SBNO1: variants seen among roughly 807,000 people sequenced by gnomAD.
SBNO1 encodes the protein strawberry notch homolog 1, also known as protein strawberry notch homolog 1.
Under a neutral mutation model 173.6 loss-of-function variants are expected in SBNO1, and 23 were observed. The observed-to-expected ratio is 0.13, with a 90% CI of 0.10 to 0.19. SBNO1 has a LOEUF of 0.19. SBNO1 is among the 10% of genes least tolerant of loss of function. SBNO1 has a pLI of 1.00. For missense variants in SBNO1, 1,238 were observed against 1,671.2 expected, an observed-to-expected ratio of 0.74 and a Z score of 4.52; for synonymous variants, 632 against 571.5, an observed-to-expected ratio of 1.11 and a Z score of -1.51.
At position 123,290,353 on chromosome 12, in the gene SBNO1, C is replaced by G. The variant is rs2048493067; in HGVS notation, c.*5555G>C. 6.6e-6 allele frequency: 1 copy of G among 152,204 alleles called. No individual in the cohort carries two copies. The highest frequency in any genetic ancestry group is 1.5e-5 in the Non-Finnish European group (1 of 68,040). 9.4% of individuals were successfully genotyped at this position (152,204 alleles called of 1,614,324 possible). A position where few individuals can be genotyped will look rare whatever the true frequency, so the allele number is the denominator to read the frequency against. On this transcript the variant is annotated 3_prime_UTR_variant, in exon 32 of 32. Transcript: ENST00000602398. Reference sequence around the variant, plus strand: ...TGAATAGTAATGAATGAAACTTGTACATGAATGAAAAGGCCCCAAAGACGC... The same window carrying G: ...TGAATAGTAATGAATGAAACTTGTAGATGAATGAAAAGGCCCCAAAGACGC...
At position 123,294,871 on chromosome 12, in the gene SBNO1, A is replaced by G. The variant is rs1455783253; in HGVS notation, c.*1037T>C. On this transcript the variant is annotated 3_prime_UTR_variant, in exon 32 of 32. Transcript: ENST00000602398. ...TAAACAATATTCAAGTTACTGAGTA[A>G]CAACAATAACAACAATAACAAAAGA... is the stretch of plus-strand genomic sequence containing the variant. The G allele has an allele frequency of 3.9e-5, 5 of 128,758 alleles. No individual in the cohort carries two copies. The highest frequency in any genetic ancestry group is 2.3e-4 in the African/African-American group (5 of 21,664). 8.0% of individuals were successfully genotyped at this position (128,758 alleles called of 1,614,324 possible). A position where few individuals can be genotyped will look rare whatever the true frequency, so the allele number is the denominator to read the frequency against.
rs762807725 is a variant in SBNO1 at position 123,313,709 on chromosome 12, T to C, written c.3131A>G (p.Asn1044Ser). 2.5e-6 allele frequency: 4 copies of C among 1,601,514 alleles called. No individual in the cohort carries two copies. Among genetic ancestry groups the C allele is most frequent in the Non-Finnish European group, 1.7e-6 (2 of 1,169,924 alleles). The part of the protein sequence containing the change: ...RFNFDNKYGR[N>S]ALEIVMKSIV... ...GGATTTCATGACAATTTCTAAAGCA[T>C]TTCTTCCATACTGCAAAAAAAAATC... Residue 1044 changes from asparagine (N) to serine (S), a missense_variant, in exon 24 of 32, where the codon AAT (asparagine) becomes AGT (serine). Physicochemically the swap from Asn to Ser is conservative, Grantham distance 46. Around this residue, in one of 14 missense-constraint regions of SBNO1, gnomAD observed 39 missense variants for 129.7 expected, o/e 0.30. Coordinates refer to ENST00000602398, the MANE Select transcript of SBNO1 (RefSeq NM_001167856.3).
intron 3 of SBNO1, 126 bp downstream of exon 3, chr12:123,347,903 G>A: frequency 2.0e-6 from 1 of 490,558 alleles, no homozygotes; most frequent in East Asian, 3.6e-5. Context: ...CTCGGCTCAA[G>A]CAATCCTCCT....
At position 123,341,108 on chromosome 12, in the gene SBNO1, A is replaced by C; in HGVS notation, c.551-20T>G. On this transcript the variant is annotated intron_variant, in intron 4 of 31. Transcript: ENST00000602398. ...CATCAGCTGAGGAGGAAAAAGTCAAATTACATTTAGAAGAAAATTCTGAAC... is the reference window on the plus strand; with the variant it reads ...CATCAGCTGAGGAGGAAAAAGTCAACTTACATTTAGAAGAAAATTCTGAAC... 1 of 1,350,268 alleles carries C rather than the reference A, an allele frequency of 7.4e-7. No individual in the cohort carries two copies. The highest frequency in any genetic ancestry group is 1.0e-6 in the Non-Finnish European group (1 of 974,382). The allele number at this position is 1,350,268 out of a possible 1,614,324, so 83.6% of individuals were successfully genotyped here. A position where few individuals can be genotyped will look rare whatever the true frequency, so the allele number is the denominator to read the frequency against.
intron 3 of SBNO1, among the ~76,000 whole-genome samples, chr12:123,347,491 G>C (rs1029160636): frequency 6.6e-6 from 1 of 151,668 alleles, no homozygotes; most frequent in Non-Finnish European, 1.5e-5. Context: ...CTCCAAAAGT[G>C]TTGGGATTAC....
intron 7 of SBNO1, among the ~76,000 whole-genome samples, chr12:123,332,571 T>C (rs1207627468): frequency 6.7e-6 from 1 of 149,662 alleles, no homozygotes; most frequent in Non-Finnish European, 1.5e-5. Context: ...GGCCAGTGGT[T>C]TTTTAGTTTT....
At chr12:123,362,120 A>G (rs1261137867) in intron 1 of SBNO1, among the ~76,000 whole-genome samples, 2 of 149,488 alleles carry the variant, frequency 1.3e-5, no homozygotes, top group Non-Finnish European at 3.0e-5. Flanking sequence ...AGCCTGGGCG[A>G]GAGAGCGAGA....
chr12:123,362,119 G>GA (rs1491351056), intron 1 of SBNO1, among the ~76,000 whole-genome samples: 2 of 144,870 alleles, frequency 1.4e-5, no homozygotes, highest in Non-Finnish European at 3.0e-5. Flanking sequence ...CAGCCTGGGC[G>GA]AGAGAGCGAG....
At chr12:123,314,783 G>A (rs575947049) in intron 23 of SBNO1, among the ~76,000 whole-genome samples, 2 of 152,280 alleles carry the variant, frequency 1.3e-5, no homozygotes, top group South Asian at 2.1e-4. Context: ...TTTTTGTAGA[G>A]ATGGGATTTC....
intron 9 of SBNO1, among the ~76,000 whole-genome samples, chr12:123,330,168 A>G (rs1280050266): frequency 1.3e-5 from 2 of 152,224 alleles, no homozygotes; most frequent in African/African-American, 4.8e-5. Flanking sequence ...TACACTTGAG[A>G]GCACATCTCA....
At chr12:123,359,022 T>G (rs984460905) in intron 1 of SBNO1, among the ~76,000 whole-genome samples, 8 of 151,546 alleles carry the variant, frequency 5.3e-5, no homozygotes, top group African/African-American at 1.9e-4. Flanking sequence ...AAGCTCTGCC[T>G]CCCGGGTTCA....
intron 29 of SBNO1, among the ~76,000 whole-genome samples, chr12:123,303,671 T>C (rs2048847200): frequency 6.6e-6 from 1 of 151,780 alleles, no homozygotes; most frequent in Non-Finnish European, 1.5e-5. Context: ...ACATTAAGAC[T>C]GTGATATTAG....
At chr12:123,359,179 C>T (rs1171308174) in intron 1 of SBNO1, among the ~76,000 whole-genome samples, 2 of 151,666 alleles carry the variant, frequency 1.3e-5, no homozygotes, top group Non-Finnish European at 2.9e-5. Flanking sequence ...GTGATCAGCC[C>T]GCCTCAGCCT....
intron 20 of SBNO1, among the ~76,000 whole-genome samples, chr12:123,318,361 C>T (rs1869543931): frequency 1.3e-5 from 2 of 149,464 alleles, no homozygotes; most frequent in Non-Finnish European, 3.0e-5. Flanking sequence ...ACTGCTTGAA[C>T]CCGGGAGGTG....
chr12:123,354,054 A>T (rs1030390551), intron 1 of SBNO1, among the ~76,000 whole-genome samples: 25 of 152,202 alleles, frequency 1.6e-4, no homozygotes, highest in Non-Finnish European at 8.8e-5. Context: ...TATTCAGTTC[A>T]TGAGAGCTTT....
chr12:123,325,725 A>G (rs552251141), intron 14 of SBNO1, 126 bp from the exon 15 acceptor site: 2 of 718,802 alleles, frequency 2.8e-6, no homozygotes, highest in South Asian at 1.8e-5. Flanking sequence ...ATAAAACACA[A>G]ATTTGTTTTA....
At chr12:123,319,439 G>A (rs779356470) in intron 20 of SBNO1, among the ~76,000 whole-genome samples, 2 of 151,990 alleles carry the variant, frequency 1.3e-5, no homozygotes, top group Non-Finnish European at 2.9e-5. Flanking sequence ...TTGTGTAATA[G>A]CTCTGTTGCA....
chr12:123,350,373 G>A lies in SBNO1; in HGVS notation c.69C>T (p.Leu23=). ...LSESGISPND[L]FDIDGGDAGL... is the part of the protein sequence containing the mutation. ...CTGCATCTCCACCATCAATATCAAAGAGGTCATTCGGACTAATTCCACTCT... is the reference window on the plus strand; with the variant it reads ...CTGCATCTCCACCATCAATATCAAAAAGGTCATTCGGACTAATTCCACTCT... The change falls in exon 2 of 32, where the codon CTC becomes CTT. Residue 23 remains leucine, a synonymous_variant. Coordinates refer to ENST00000602398, the MANE Select transcript of SBNO1 (RefSeq NM_001167856.3). 1 of 1,614,112 alleles carries A rather than the reference G, an allele frequency of 6.2e-7. No homozygotes were observed. Among genetic ancestry groups the A allele is most frequent in the Non-Finnish European group, 8.5e-7 (1 of 1,179,970 alleles).
At chr12:123,328,445 C>T (rs771600435) in intron 10 of SBNO1, among the ~76,000 whole-genome samples, 8 of 152,084 alleles carry the variant, frequency 5.3e-5, no homozygotes, top group African/African-American at 9.7e-5. Context: ...TTAGTCTTCT[C>T]GGGTATTCTG....
Sources: gnomAD v4.1 joint callset for allele counts (sites outside exome capture counted in the v4.1 genomes callset) on GRCh38, gnomAD v4.1.1 for gene constraint, gnomAD v4.1.1 regional missense constraint, MANE v1.5 for transcripts, NCBI Gene and HGNC (gene_info 2026-07-23, HGNC 2026-07-21) for gene names.